Variants in DNM2 observed in about 807,000 individuals in gnomAD.
DNM2 encodes the protein dynamin 2.
A neutral mutation model predicts 99.0 loss-of-function variants in DNM2; 15 were observed. The ratio of observed to expected loss-of-function variants is 0.15; its 90% confidence interval spans 0.10 to 0.23. The LOEUF (loss-of-function observed/expected upper bound fraction) is 0.23, where lower values mean the gene tolerates loss of function less well. Ranked by LOEUF, DNM2 falls within the 10% of genes least tolerant of loss-of-function variation. The pLI, the probability that DNM2 is intolerant of heterozygous loss-of-function variation, is 1.00. For missense variants in DNM2, 742 were observed against 1,189.4 expected, an observed-to-expected ratio of 0.62 and a Z score of 5.53; for synonymous variants, 525 against 481.2, an observed-to-expected ratio of 1.09 and a Z score of -1.19.
In DNM2 at chr19:10,795,493, C is replaced by G. The variant is rs1310303176; in HGVS notation, c.1196+54C>G. Reference sequence around the variant, plus strand: ...TTCCTTCCTCTCCGTGGTGCGACCCCCCAGCTAATTGGGTCACCCACACCT... The same window carrying G: ...TTCCTTCCTCTCCGTGGTGCGACCCGCCAGCTAATTGGGTCACCCACACCT... On this transcript the variant is annotated intron_variant, in intron 9 of 20. Coordinates refer to ENST00000389253, the MANE Select transcript of DNM2 (RefSeq NM_001005361.3). This position sits in a 1 kb window ranked among gnomAD's most constrained non-coding sequence, Gnocchi z 4.2. 3.1e-6 allele frequency: 5 copies of G among 1,603,914 alleles called. No individual in the cohort carries two copies. The South Asian group carries it at 5.5e-5, about 18-fold the overall frequency.
At position 10,796,036 on chromosome 19, in the gene DNM2, T is replaced by C. The variant is rs2146025710; in HGVS notation, c.1196+597T>C. 1.9e-6 allele frequency: 3 copies of C among 1,612,684 alleles called. No individual in the cohort carries two copies. Among genetic ancestry groups the C allele is most frequent in the East Asian group, 4.5e-5 (2 of 44,900 alleles). ...TTGTTTCTCTCTGACTTATCTCCCCTGCCCCCGGGTCTGGACGGTTTCAGG... is the reference window on the plus strand; with the variant it reads ...TTGTTTCTCTCTGACTTATCTCCCCCGCCCCCGGGTCTGGACGGTTTCAGG... On this transcript the variant is annotated intron_variant, in intron 9 of 20. Coordinates refer to ENST00000389253, the MANE Select transcript of DNM2 (RefSeq NM_001005361.3). This position sits in a 1 kb window ranked among gnomAD's most constrained non-coding sequence, Gnocchi z 5.6.
chr19:10,734,342 CAA>C (rs752387265), intron 1 of DNM2, among the ~76,000 whole-genome samples: 40 of 92,246 alleles, frequency 4.3e-4, no homozygotes, highest in Non-Finnish European at 4.1e-4. Flanking sequence ...GACTCTGTCT[CAA>C]AAAAAAAAAA....
In DNM2 at chr19:10,796,169, A is replaced by G. The variant is rs1599570127; in HGVS notation, c.1196+730A>G. ...GTGTCGACCTGGTTATCCAGGAGCT[A>G]ATCAATACAGTTAGGCAGTGTACCA... On this transcript the variant is annotated intron_variant, in intron 9 of 20. Coordinates refer to ENST00000389253, the MANE Select transcript of DNM2 (RefSeq NM_001005361.3). The surrounding 1 kb of genome is among the most constrained non-coding windows in gnomAD (Gnocchi z 5.6). 2 of 1,614,168 alleles carry G rather than the reference A, an allele frequency of 1.2e-6. No individual in the cohort carries two copies. The highest frequency in any genetic ancestry group is 1.7e-6 in the Non-Finnish European group (2 of 1,180,036).
chr19:10,725,306 T>C (rs1387416554), intron 1 of DNM2, among the ~76,000 whole-genome samples: 1 of 151,696 alleles, frequency 6.6e-6, no homozygotes, highest in African/African-American at 2.4e-5. Context: ...ATTAGCCAGG[T>C]GTGGTGGCGC....
intron 2 of DNM2, chr19:10,763,355 T>C (rs4362487): frequency 0.94 from 143,823 of 152,398 alleles, 68,044 homozygotes; most frequent in East Asian, 1. Context: ...AGATTGCAGG[T>C]ATGAGCTACC....
At chr19:10,736,248 G>C (rs1568269880) in intron 1 of DNM2, among the ~76,000 whole-genome samples, 1 of 147,226 alleles carries the variant, frequency 6.8e-6, no homozygotes, top group South Asian at 2.1e-4. Flanking sequence ...CTGGGCAACA[G>C]AGTGAGACTC....
chr19:10,802,883 C>T (rs1015448946), intron 12 of DNM2, among the ~76,000 whole-genome samples: 8 of 152,202 alleles, frequency 5.3e-5, no homozygotes, highest in South Asian at 2.1e-4. Flanking sequence ...AGCAGGATGT[C>T]GATTCAGTGT....
intron 19 of DNM2, among the ~76,000 whole-genome samples, chr19:10,829,742 G>C (rs145942086): frequency 1.3e-5 from 2 of 152,114 alleles, no homozygotes; most frequent in Non-Finnish European, 2.9e-5. Flanking sequence ...GAGCCATGGA[G>C]TTCCTTAAGG....
chr19:10,788,695 C>T (rs2071649765), intron 7 of DNM2, among the ~76,000 whole-genome samples: 1 of 152,210 alleles, frequency 6.6e-6, no homozygotes, highest in Admixed American at 6.5e-5. Context: ...GGTGTGCCCC[C>T]ACAATCCCAA....
chr19:10,827,211 G>A (rs995254697), intron 18 of DNM2, among the ~76,000 whole-genome samples: 8 of 152,138 alleles, frequency 5.3e-5, no homozygotes, highest in Non-Finnish European at 1.2e-4. Flanking sequence ...GATAGGATCG[G>A]AGACATATAC....
chr19:10,784,510 G>T (rs550990734), intron 6 of DNM2, among the ~76,000 whole-genome samples: 2 of 152,300 alleles, frequency 1.3e-5, no homozygotes, highest in East Asian at 1.9e-4. Flanking sequence ...CCTCCAGGGA[G>T]CCTGGAGGGG....
rs544005350 is a variant in DNM2, at chr19:10,775,422, T to C, written c.386-281T>C. On this transcript the variant is annotated intron_variant, in intron 3 of 20. Coordinates refer to ENST00000389253, the MANE Select transcript of DNM2 (RefSeq NM_001005361.3). The surrounding 1 kb of genome is among the most constrained non-coding windows in gnomAD (Gnocchi z 4.3). ...TAATGGTTCTTTGGTATTGGCTGAA[T>C]GGATGGGCTGAAATTTATTCAGTCA... 3.9e-5 allele frequency among the ~76,000 whole-genome samples: 6 copies of C among 152,306 alleles called. No individual in the cohort carries two copies. The East Asian group carries it at 1.2e-3, about 29-fold the overall frequency.
intron 12 of DNM2, chr19:10,803,517 G>A (rs1209516507): frequency 4.2e-6 from 3 of 716,928 alleles, no homozygotes; most frequent in Non-Finnish European, 5.1e-6. Flanking sequence ...GTTTGCTGCT[G>A]TTTTCCTCAC....
At position 10,772,334 on chromosome 19, in the gene DNM2, C is replaced by T; in HGVS notation, c.236-145C>T. The T allele has an allele frequency of 9.6e-7, 1 of 1,045,810 alleles. No homozygotes were observed. Among genetic ancestry groups the T allele is most frequent in the Non-Finnish European group, 1.5e-6 (1 of 685,792 alleles). 64.8% of individuals were successfully genotyped at this position (1,045,810 alleles called of 1,614,324 possible). On this transcript the variant is annotated intron_variant, in intron 2 of 20. Transcript: ENST00000389253. This position sits in a 1 kb window ranked among gnomAD's most constrained non-coding sequence, Gnocchi z 4.9. ...GACCTTGTGATCTGCCCACCTCTGC[C>T]TCCCAAAGTGCTGGGATTACAGGCG... is the stretch of plus-strand genomic sequence containing the variant.
At chr19:10,748,805 A>C (rs941698306) in intron 1 of DNM2, among the ~76,000 whole-genome samples, 8 of 152,152 alleles carry the variant, frequency 5.3e-5, no homozygotes, top group African/African-American at 1.9e-4. Context: ...GGGTTGTCAG[A>C]GGATTTGCCG....
At chr19:10,828,662 CAGG>C (rs2073230272) in intron 18 of DNM2, among the ~76,000 whole-genome samples, 1 of 151,214 alleles carries the variant, frequency 6.6e-6, no homozygotes, top group Non-Finnish European at 1.5e-5. Context: ...TAAGCTAAAA[CAGG>C]AGAAAAGACA....
At chr19:10,735,168 C>T (rs1444940127) in intron 1 of DNM2, among the ~76,000 whole-genome samples, 9 of 151,988 alleles carry the variant, frequency 5.9e-5, no homozygotes, top group Non-Finnish European at 1.3e-4. Context: ...CTCAGCCTCC[C>T]GAGTAGCTGG....
chr19:10,798,406 C>A, intron 10 of DNM2, 80 bp from the exon 11 acceptor site: 1 of 1,164,828 alleles, frequency 8.6e-7, no homozygotes, highest in Non-Finnish European at 1.3e-6. Context: ...CCCCCCTCCG[C>A]ATTTTCTACC....
rs929846277 is a variant in DNM2, at chr19:10,816,374, G to A, written c.1672-3606G>A. On this transcript the variant is annotated intron_variant, in intron 15 of 20. Transcript: ENST00000389253. The surrounding 1 kb of genome is among the most constrained non-coding windows in gnomAD (Gnocchi z 4.6). Reference sequence around the variant, plus strand: ...GGGGCGCTGTTTCTAAACCCAGGGTGGTGGAGTCTGCTGAGCCACCATACA... The same window carrying A: ...GGGGCGCTGTTTCTAAACCCAGGGTAGTGGAGTCTGCTGAGCCACCATACA... 2.6e-5 allele frequency among the ~76,000 whole-genome samples: 4 copies of A among 152,066 alleles called. No homozygotes were observed. The highest frequency in any genetic ancestry group is 9.7e-5 in the African/African-American group (4 of 41,396).
Sources: allele counts gnomAD v4.1 joint callset (sites outside exome capture counted in the v4.1 genomes callset), GRCh38; gene constraint gnomAD v4.1.1; non-coding constraint Gnocchi (gnomAD v3.1); transcripts MANE v1.5; gene names NCBI Gene and HGNC (gene_info 2026-07-23, HGNC 2026-07-21).